FAF1: variants seen among roughly 807,000 people sequenced by gnomAD.
FAF1 encodes FAS-associated factor 1.
A neutral mutation model predicts 92.5 loss-of-function variants in FAF1; 25 were observed. That is an observed-to-expected ratio of 0.27 (90% CI 0.20 to 0.38). FAF1 has a LOEUF of 0.38. FAF1 is among the 10% of genes least tolerant of loss of function. The pLI is 1.00. For missense variants in FAF1, 636 were observed against 793.3 expected, an observed-to-expected ratio of 0.80 and a Z score of 2.38; for synonymous variants, 234 against 273.2, an observed-to-expected ratio of 0.86 and a Z score of 1.42.
At chr1:50,442,817 A>G (rs1253100901) in intron 18 of FAF1, among the ~76,000 whole-genome samples, 1 of 152,166 alleles carries the variant, frequency 6.6e-6, no homozygotes, top group East Asian at 1.9e-4. Flanking sequence ...TCTAGATGGA[A>G]ACCTGGTATG....
chr1:50,789,113 G>C (rs1016401826), intron 3 of FAF1, among the ~76,000 whole-genome samples: 5 of 152,130 alleles, frequency 3.3e-5, no homozygotes, highest in African/African-American at 1.2e-4. Context: ...GGGATTACAG[G>C]CATGAGCCAC....
intron 8 of FAF1, chr1:50,606,992 A>G (rs1652460292): frequency 6.6e-6 from 1 of 152,212 alleles, no homozygotes; most frequent in Non-Finnish European, 1.5e-5. Flanking sequence ...GGCAAAAATA[A>G]CAACAACAAA....
intron 2 of FAF1, among the ~76,000 whole-genome samples, chr1:50,841,950 CCTGA>C (rs971029189): frequency 1.3e-5 from 2 of 152,042 alleles, no homozygotes. Flanking sequence ...TGTTATACTT[CCTGA>C]CTAAGAATGC....
intron 13 of FAF1, among the ~76,000 whole-genome samples, chr1:50,554,384 T>TAGAG (rs1470102231): frequency 0.02 from 1,957 of 97,746 alleles, 19 homozygotes; most frequent in Middle Eastern, 0.033. Flanking sequence ...TATATATATA[T>TAGAG]ATATATAGAG....
rs187258829 is a variant in FAF1, at chr1:50,850,548, C to T, written c.114+7381G>A. On this transcript the variant is annotated intron_variant, in intron 2 of 18. Transcript: ENST00000396153. The stretch of plus-strand genomic sequence containing the variant: ...GTATGTGTTTGAGAGAAACTGAGTA[C>T]ATGCACAAGAGATGAAGTATTTAGA... Among the ~76,000 whole-genome samples the T allele has an allele frequency of 2.0e-3, 310 of 152,098 alleles. 3 individuals are homozygous for T. Among genetic ancestry groups the T allele is most frequent in the African/African-American group, 7.4e-3 (307 of 41,486 alleles).
intron 1 of FAF1, among the ~76,000 whole-genome samples, chr1:50,951,293 C>T (rs944585889): frequency 3.3e-5 from 5 of 152,212 alleles, no homozygotes; most frequent in African/African-American, 7.2e-5. Flanking sequence ...CAAGTCATTT[C>T]TCTTTTCTGG....
chr1:50,692,906 A>G (rs1657002550), intron 7 of FAF1, among the ~76,000 whole-genome samples: 1 of 152,162 alleles, frequency 6.6e-6, no homozygotes. Flanking sequence ...CCAATTTTCA[A>G]TTAGATTATT....
Position 50,959,801 on chromosome 1 carries a change from T to G in FAF1, c.11A>C (p.Asn4Thr), listed in dbSNP as rs1276341643. 1.9e-6 allele frequency: 3 copies of G among 1,583,570 alleles called. No homozygotes were observed. Among genetic ancestry groups the G allele is most frequent in the African/African-American group, 1.4e-5 (1 of 72,606 alleles). ...CGCCAGGATCATCTCCCGGTCCATG[T>G]TGGACGCCATGGCGGCCGCCGAGTT... MAS[N>T]MDREMILADF... is the part of the protein sequence containing the mutation. The change falls in exon 1 of 19, where the codon AAC becomes ACC. Residue 4 changes from asparagine (N) to threonine (T), a missense_variant. By Grantham distance (65) the Asn-to-Thr change is moderately conservative. Coordinates refer to ENST00000396153, the MANE Select transcript of FAF1 (RefSeq NM_007051.3).
chr1:50,618,893 C>T (rs1049017186), intron 8 of FAF1, among the ~76,000 whole-genome samples: 7 of 151,742 alleles, frequency 4.6e-5, no homozygotes, highest in Admixed American at 4.6e-4. Context: ...GGATTACAGG[C>T]GTGCACCACC....
At chr1:50,907,063 T>C (rs992462665) in intron 1 of FAF1, among the ~76,000 whole-genome samples, 4 of 152,176 alleles carry the variant, frequency 2.6e-5, no homozygotes, top group Non-Finnish European at 5.9e-5. Flanking sequence ...CATCAACACC[T>C]AGTTTATTGA....
intron 1 of FAF1, among the ~76,000 whole-genome samples, chr1:50,906,553 A>C (rs186971467): frequency 1.3e-5 from 2 of 152,174 alleles, no homozygotes; most frequent in East Asian, 1.9e-4. Context: ...CTTTTAGTTC[A>C]TTGAGCAGTG....
intron 8 of FAF1, among the ~76,000 whole-genome samples, chr1:50,654,397 TTAGAA>T (rs1392605985): frequency 7.9e-5 from 12 of 152,166 alleles, no homozygotes; most frequent in Non-Finnish European, 1.3e-4. Context: ...AGGTATCTGG[TTAGAA>T]TAAGCAAGTT....
chr1:50,940,886 C>T (rs1645127344), intron 1 of FAF1, among the ~76,000 whole-genome samples: 1 of 152,132 alleles, frequency 6.6e-6, no homozygotes, highest in African/African-American at 2.4e-5. Flanking sequence ...CTCTATTAGC[C>T]TTGGTCAATC....
chr1:50,909,315 CT>C (rs1475508415), intron 1 of FAF1, among the ~76,000 whole-genome samples: 6 of 152,206 alleles, frequency 3.9e-5, no homozygotes, highest in Non-Finnish European at 7.3e-5. Context: ...ACATCTTTTC[CT>C]TCATTTCAAC....
At chr1:50,483,056 A>C (rs998056978) in intron 17 of FAF1, among the ~76,000 whole-genome samples, 1 of 152,104 alleles carries the variant, frequency 6.6e-6, no homozygotes. Context: ...TCTTTGCCTG[A>C]CTCAAGGTCA....
At chr1:50,799,126 C>A (rs1255888360) in intron 3 of FAF1, among the ~76,000 whole-genome samples, 2 of 152,174 alleles carry the variant, frequency 1.3e-5, no homozygotes, top group African/African-American at 4.8e-5. Context: ...AAGGAAAAAT[C>A]TTAAAAGTTT....
chr1:50,583,719 A>G lies in FAF1; in HGVS notation c.968-4T>C, dbSNP rs1651093092. The G allele has an allele frequency of 6.4e-7, 1 of 1,565,184 alleles. No homozygotes were observed. The highest frequency in any genetic ancestry group is 1.4e-5 in the African/African-American group (1 of 73,506). On this transcript the variant is annotated splice_polypyrimidine_tract_variant and splice_region_variant and intron_variant, in intron 10 of 18. Coordinates refer to ENST00000396153, the MANE Select transcript of FAF1 (RefSeq NM_007051.3). The surrounding 1 kb of genome is among the most constrained non-coding windows in gnomAD (Gnocchi z 4.2). ...TCATTTTCTGCGTTTTCTGGCACTA[A>G]AAAACAAACAAAAGAAAAAACAAAA...
intron 1 of FAF1, among the ~76,000 whole-genome samples, chr1:50,869,333 G>A (rs1218930743): frequency 1.3e-5 from 2 of 152,038 alleles, no homozygotes; most frequent in Admixed American, 1.3e-4. Context: ...CTATATCAAA[G>A]TATTTAAAGT....
chr1:50,928,460 TAAAAG>T (rs1217591006), intron 1 of FAF1, among the ~76,000 whole-genome samples: 1 of 152,076 alleles, frequency 6.6e-6, no homozygotes, highest in Non-Finnish European at 1.5e-5. Flanking sequence ...ATATCACACT[TAAAAG>T]AAAATAGGTG....
Sources: allele counts gnomAD v4.1 joint callset (sites outside exome capture counted in the v4.1 genomes callset), GRCh38; gene constraint gnomAD v4.1.1; non-coding constraint Gnocchi (gnomAD v3.1); transcripts MANE v1.5; gene names NCBI Gene and HGNC (gene_info 2026-07-23, HGNC 2026-07-21).